Variants in ROBO2 observed in about 807,000 individuals in gnomAD.
ROBO2 encodes roundabout guidance receptor 2, also known as roundabout homolog 2.
Under a neutral mutation model 160.8 loss-of-function variants are expected in ROBO2, and 53 were observed. That is an observed-to-expected ratio of 0.33 (90% CI 0.26 to 0.41). The LOEUF (loss-of-function observed/expected upper bound fraction) is 0.41, where lower values mean the gene tolerates loss of function less well. Ranked by LOEUF, ROBO2 falls within the 10% of genes least tolerant of loss-of-function variation. The pLI, the probability that ROBO2 is intolerant of heterozygous loss-of-function variation, is 1.00. For missense variants in ROBO2, 1,577 were observed against 1,722.4 expected (o/e 0.92, Z 1.49); for synonymous variants, 664 against 611.7 (o/e 1.09, Z -1.26).
At chr3:76,027,993 T>C (rs965192326) in intron 2 of ROBO2, among the ~76,000 whole-genome samples, 1 of 151,918 alleles carries the variant, frequency 6.6e-6, no homozygotes, top group Non-Finnish European at 1.5e-5. Flanking sequence ...GATAGATTAA[T>C]ATGGCTAAAT....
intron 1 of ROBO2, among the ~76,000 whole-genome samples, chr3:77,061,124 T>C (rs1277208037): frequency 6.6e-6 from 1 of 152,078 alleles, no homozygotes; most frequent in Non-Finnish European, 1.5e-5. Flanking sequence ...TATAAATTTG[T>C]TTAGTAATAT....
At chr3:75,972,643 T>A (rs906758990) in intron 2 of ROBO2, among the ~76,000 whole-genome samples, 2 of 151,688 alleles carry the variant, frequency 1.3e-5, no homozygotes, top group African/African-American at 4.8e-5. Context: ...ATCATGTAGA[T>A]CATTGATTCT....
At chr3:77,586,764 G>T (rs2094060867) in intron 16 of ROBO2, among the ~76,000 whole-genome samples, 1 of 150,896 alleles carries the variant, frequency 6.6e-6, no homozygotes, top group South Asian at 2.1e-4. Flanking sequence ...GAAATCACCA[G>T]ATAGGTGTAT....
chr3:76,563,474 C>A (rs1360051173), intron 2 of ROBO2, among the ~76,000 whole-genome samples: 2 of 152,074 alleles, frequency 1.3e-5, no homozygotes, highest in Non-Finnish European at 2.9e-5. Context: ...CATTATTATT[C>A]TTGTCCCTTT....
At chr3:77,584,835 T>G (rs1277928700) in intron 16 of ROBO2, among the ~76,000 whole-genome samples, 1 of 151,466 alleles carries the variant, frequency 6.6e-6, no homozygotes, top group African/African-American at 2.4e-5. Flanking sequence ...GTGTATTCAT[T>G]TATAGTATTT....
chr3:77,323,806 G>A (rs918631185), intron 2 of ROBO2, among the ~76,000 whole-genome samples: 5 of 152,046 alleles, frequency 3.3e-5, no homozygotes, highest in Admixed American at 3.3e-4. Flanking sequence ...AAGACAAAGG[G>A]TATTTTCAGT....
chr3:77,538,612 A>G (rs370696965), intron 6 of ROBO2, among the ~76,000 whole-genome samples: 23 of 152,166 alleles, frequency 1.5e-4, no homozygotes, highest in Admixed American at 2.0e-4. Flanking sequence ...TCTGAGATGA[A>G]TTATGTGTTA....
intron 2 of ROBO2, among the ~76,000 whole-genome samples, chr3:77,224,571 A>G (rs62253275): frequency 0.028 from 4,188 of 152,058 alleles, 65 homozygotes; most frequent in Middle Eastern, 0.054. Context: ...TATTTATTGT[A>G]TATTTGAGTT....
At chr3:77,447,286 T>C (rs1314343692) in intron 2 of ROBO2, among the ~76,000 whole-genome samples, 1 of 152,102 alleles carries the variant, frequency 6.6e-6, no homozygotes, top group Non-Finnish European at 1.5e-5. Flanking sequence ...GGATACAACT[T>C]ACTATAGTAA....
At chr3:77,462,758 C>T (rs2082373155) in intron 2 of ROBO2, among the ~76,000 whole-genome samples, 2 of 89,130 alleles carry the variant, frequency 2.2e-5, no homozygotes, top group Admixed American at 2.9e-4. Context: ...TCTTTACTTT[C>T]CAGTATTTTT....
At chr3:76,627,094 G>A (rs2089700004) in intron 2 of ROBO2, among the ~76,000 whole-genome samples, 1 of 152,176 alleles carries the variant, frequency 6.6e-6, no homozygotes, top group South Asian at 2.1e-4. Flanking sequence ...TGATGTGACA[G>A]TTACCCATTA....
chr3:76,125,163 C>T (rs778445417), intron 2 of ROBO2, among the ~76,000 whole-genome samples: 2 of 152,118 alleles, frequency 1.3e-5, no homozygotes, highest in African/African-American at 2.4e-5. Context: ...CATGTTGCTG[C>T]AAAGGACATG....
intron 2 of ROBO2, among the ~76,000 whole-genome samples, chr3:76,717,282 A>C (rs192401330): frequency 6.6e-6 from 1 of 152,082 alleles, no homozygotes; most frequent in Non-Finnish European, 1.5e-5. Context: ...TCACGAGGTC[A>C]GGAGTTCAAG....
At chr3:77,565,538 G>C (rs2093454605) in intron 12 of ROBO2, among the ~76,000 whole-genome samples, 1 of 152,074 alleles carries the variant, frequency 6.6e-6, no homozygotes, top group South Asian at 2.1e-4. Flanking sequence ...CGTTCTCACA[G>C]TGTGGTTCCT....
intron 2 of ROBO2, among the ~76,000 whole-genome samples, chr3:76,327,576 A>G (rs1370190278): frequency 6.6e-6 from 1 of 152,222 alleles, no homozygotes; most frequent in Non-Finnish European, 1.5e-5. Context: ...TTCGTATATT[A>G]GAAGCAGAAG....
At chr3:77,416,652 G>A (rs143214824) in intron 2 of ROBO2, among the ~76,000 whole-genome samples, 1 of 149,580 alleles carries the variant, frequency 6.7e-6, no homozygotes, top group African/African-American at 2.5e-5. Flanking sequence ...AGGAGGCAGA[G>A]GTTGCAGTGA....
intron 2 of ROBO2, among the ~76,000 whole-genome samples, chr3:76,008,441 T>TATCG (rs2066094135): frequency 6.6e-6 from 1 of 152,118 alleles, no homozygotes; most frequent in Non-Finnish European, 1.5e-5. Flanking sequence ...GCAGTGTCGA[T>TATCG]GCCACCTCAT....
intron 1 of ROBO2, among the ~76,000 whole-genome samples, chr3:75,927,928 G>C (rs1340161790): frequency 6.6e-6 from 1 of 150,524 alleles, no homozygotes; most frequent in South Asian, 2.1e-4. Context: ...ATGTGTGTCT[G>C]TGTGTTCCTG....
chr3:76,701,317 T>C (rs1203094008), intron 2 of ROBO2, among the ~76,000 whole-genome samples: 1 of 152,110 alleles, frequency 6.6e-6, no homozygotes, highest in Non-Finnish European at 1.5e-5. Flanking sequence ...CAACAAGCAT[T>C]TAATTCTAGT....
Sources: gnomAD v4.1 joint callset for allele counts (sites outside exome capture counted in the v4.1 genomes callset) on GRCh38, gnomAD v4.1.1 for gene constraint, MANE v1.5 for transcripts, NCBI Gene and HGNC (gene_info 2026-07-23, HGNC 2026-07-21) for gene names.